CCDC88A: variants seen among roughly 807,000 people sequenced by gnomAD.
CCDC88A encodes coiled-coil and HOOK domain protein 88A.
In CCDC88A, 54 loss-of-function variants were observed where a neutral mutation model predicts 234.3. The observed-to-expected ratio is 0.23, with a 90% CI of 0.19 to 0.29. The LOEUF (loss-of-function observed/expected upper bound fraction) is 0.29, where lower values mean the gene tolerates loss of function less well. CCDC88A is among the 10% of genes least tolerant of loss of function. The pLI, the probability that CCDC88A is intolerant of heterozygous loss-of-function variation, is 1.00. For synonymous variants in CCDC88A, 753 were observed against 737.8 expected (o/e 1.02, Z -0.33); for missense variants, 1,832 against 2,123.4 (o/e 0.86, Z 2.70).
intron 19 of CCDC88A, among the ~76,000 whole-genome samples, chr2:55,318,059 T>C (rs1327696821): frequency 6.6e-6 from 1 of 152,138 alleles, no homozygotes; most frequent in Non-Finnish European, 1.5e-5. Context: ...TGTGTGTATA[T>C]ATAGACATAT....
intron 3 of CCDC88A, among the ~76,000 whole-genome samples, chr2:55,387,171 C>A (rs1574409338): frequency 5.5e-5 from 4 of 72,360 alleles, no homozygotes; most frequent in East Asian, 3.8e-4. Flanking sequence ...ATTGAGATTC[C>A]ATCTCAAAAA....
At position 55,418,928 on chromosome 2, in the gene CCDC88A, A is replaced by G; in HGVS notation, c.64-12T>C. The G allele has an allele frequency of 6.2e-7, 1 of 1,611,766 alleles. No homozygotes were observed. The highest frequency in any genetic ancestry group is 8.5e-7 in the Non-Finnish European group (1 of 1,177,846). On this transcript the variant is annotated splice_polypyrimidine_tract_variant and intron_variant, in intron 1 of 32. Coordinates refer to ENST00000436346, the MANE Select transcript of CCDC88A (RefSeq NM_001365480.1). ...CCAAACGTTTTAACCTAGAACAAAC[A>G]GAAGGATCACCACGACATGAACGCC...
Position 55,332,049 on chromosome 2 carries a change from A to G in CCDC88A, c.2855+517T>C, listed in dbSNP as rs1684972793. 6.6e-6 allele frequency: 1 copy of G among 151,962 alleles called. No homozygotes were observed. The allele number at this position is 151,962 out of a possible 1,614,324, so 9.4% of individuals were successfully genotyped here. A position where few individuals can be genotyped will look rare whatever the true frequency, so the allele number is the denominator to read the frequency against. On this transcript the variant is annotated intron_variant, in intron 16 of 32. Coordinates refer to ENST00000436346, the MANE Select transcript of CCDC88A (RefSeq NM_001365480.1). The surrounding 1 kb of genome is among the most constrained non-coding windows in gnomAD (Gnocchi z 4.5). Reference sequence around the variant, plus strand: ...TTTATAACTGTATTTATATAGTAACATTTTAGTTTTTTGTTTTCTTATATC... The same window carrying G: ...TTTATAACTGTATTTATATAGTAACGTTTTAGTTTTTTGTTTTCTTATATC...
intron 12 of CCDC88A, among the ~76,000 whole-genome samples, chr2:55,340,538 T>C (rs1009190934): frequency 2.0e-5 from 3 of 152,214 alleles, no homozygotes; most frequent in African/African-American, 7.2e-5. Flanking sequence ...TACTAACTTT[T>C]AAAATTCCAT....
intron 2 of CCDC88A, among the ~76,000 whole-genome samples, chr2:55,396,428 A>G (rs1677558794): frequency 6.6e-6 from 1 of 152,198 alleles, no homozygotes; most frequent in Non-Finnish European, 1.5e-5. Context: ...ATTTAGACCT[A>G]GAAACACTTT....
intron 31 of CCDC88A, chr2:55,295,134 T>A: frequency 1.5e-6 from 2 of 1,306,032 alleles, no homozygotes. Context: ...TTCTGTGTCA[T>A]CAGGATAGAG....
chr2:55,305,890 A>T (rs1038270376), intron 25 of CCDC88A, among the ~76,000 whole-genome samples: 2 of 151,964 alleles, frequency 1.3e-5, no homozygotes, highest in Non-Finnish European at 2.9e-5. Context: ...TAAAAAAAAA[A>T]TTAAGTATAC....
At chr2:55,396,848 C>CCGTT (rs1677673551) in intron 2 of CCDC88A, among the ~76,000 whole-genome samples, 2 of 112,374 alleles carry the variant, frequency 1.8e-5, no homozygotes, top group East Asian at 5.3e-4. Context: ...GCAGCCTGGG[C>CCGTT]AACGGAGCAA....
chr2:55,334,212 G>C lies in CCDC88A; in HGVS notation c.2609C>G (p.Ser870Cys), dbSNP rs758300445. 1.4e-6 allele frequency: 2 copies of C among 1,442,402 alleles called. No homozygotes were observed. The highest frequency in any genetic ancestry group is 2.6e-5 in the Admixed American group (1 of 37,800). 89.4% of individuals were successfully genotyped at this position (1,442,402 alleles called of 1,614,324 possible). The part of the protein sequence containing the change: ...GNLEKENKTL[S>C]KEIGIYKESC... ...TTCTTTATATATACCAATTTCTTTGGATAGGGTTTTGTTTTCTTTTTCCAA... is the reference window on the plus strand; with the variant it reads ...TTCTTTATATATACCAATTTCTTTGCATAGGGTTTTGTTTTCTTTTTCCAA... The change falls in exon 15 of 33, where the codon TCC becomes TGC. Residue 870 changes from serine (S) to cysteine (C), a missense_variant. By Grantham distance (112) the Ser-to-Cys change is moderately radical. Coordinates refer to ENST00000436346, the MANE Select transcript of CCDC88A (RefSeq NM_001365480.1). The surrounding 1 kb of genome is among the most constrained non-coding windows in gnomAD (Gnocchi z 6.1).
At chr2:55,351,770 G>C (rs908073317) in intron 8 of CCDC88A, among the ~76,000 whole-genome samples, 3 of 152,138 alleles carry the variant, frequency 2.0e-5, no homozygotes, top group African/African-American at 7.2e-5. Flanking sequence ...ACATGCACCT[G>C]AATGTTCATA....
chr2:55,414,342 G>T (rs1490728845), intron 2 of CCDC88A, among the ~76,000 whole-genome samples: 1 of 152,150 alleles, frequency 6.6e-6, no homozygotes, highest in East Asian at 1.9e-4. Flanking sequence ...ATCTCAAACA[G>T]GAAAATAATT....
chr2:55,290,717 C>A lies in CCDC88A; in HGVS notation c.*483G>T, dbSNP rs1679385258. 6.6e-6 allele frequency: 1 copy of A among 152,492 alleles called. No homozygotes were observed. Among genetic ancestry groups the A allele is most frequent in the Admixed American group, 6.6e-5 (1 of 15,260 alleles). 9.4% of individuals were successfully genotyped at this position (152,492 alleles called of 1,614,324 possible). On this transcript the variant is annotated 3_prime_UTR_variant, in exon 33 of 33. Coordinates refer to ENST00000436346, the MANE Select transcript of CCDC88A (RefSeq NM_001365480.1). Reference sequence around the variant, plus strand: ...TTTCTCTGTATCTTGCTATATAGTACATTCCACAAAATACTACAGCATTTA... The same window carrying A: ...TTTCTCTGTATCTTGCTATATAGTAAATTCCACAAAATACTACAGCATTTA...
intron 2 of CCDC88A, among the ~76,000 whole-genome samples, chr2:55,390,392 C>T (rs1433247774): frequency 6.6e-6 from 1 of 152,168 alleles, no homozygotes; most frequent in Non-Finnish European, 1.5e-5. Context: ...TGCTTTCCAC[C>T]ACTCCCAATA....
intron 3 of CCDC88A, among the ~76,000 whole-genome samples, chr2:55,377,186 A>T (rs1673787004): frequency 7.7e-6 from 1 of 129,686 alleles, no homozygotes; most frequent in Admixed American, 9.3e-5. Context: ...GAGGACTGTC[A>T]CTATAGACTT....
intron 2 of CCDC88A, among the ~76,000 whole-genome samples, chr2:55,409,020 T>C (rs1680044421): frequency 6.6e-6 from 1 of 151,330 alleles, no homozygotes. Context: ...ACAGGTATTT[T>C]CGTCAGTTTC....
intron 2 of CCDC88A, among the ~76,000 whole-genome samples, chr2:55,393,447 C>G (rs201940727): frequency 4.0e-5 from 6 of 151,530 alleles, no homozygotes; most frequent in East Asian, 3.9e-4. Flanking sequence ...CGTGCCACCA[C>G]GCCCGGCTAA....
chr2:55,311,386 A>T (rs6746757), intron 23 of CCDC88A, among the ~76,000 whole-genome samples: 13,018 of 152,178 alleles, frequency 0.086, 1,299 homozygotes, highest in African/African-American at 0.24. Context: ...CCTGCCTGAA[A>T]TTTTTTGGTA....
rs372681654 is a variant in CCDC88A, at chr2:55,384,592, C to T, written c.273+4186G>A. Among the ~76,000 whole-genome samples, 205 of 76,204 alleles carry T rather than the reference C, an allele frequency of 2.7e-3. 59 individuals are homozygous for T. The highest frequency in any genetic ancestry group is 0.019 in the Middle Eastern group (2 of 108). 50.0% of individuals were successfully genotyped at this position (76,204 alleles called of 152,430 possible). ...ATACGTATATATGTGTATATATACA[C>T]ATATATACGTATATATGTGTATATA... On this transcript the variant is annotated intron_variant, in intron 3 of 32. Transcript: ENST00000436346.
chr2:55,410,076 A>C (rs1056365541), intron 2 of CCDC88A, among the ~76,000 whole-genome samples: 1 of 152,100 alleles, frequency 6.6e-6, no homozygotes, highest in Admixed American at 6.5e-5. Flanking sequence ...CCAGGTGCCC[A>C]GAACTTTGCA....
Sources: allele counts gnomAD v4.1 joint callset (sites outside exome capture counted in the v4.1 genomes callset), GRCh38; gene constraint gnomAD v4.1.1; non-coding constraint Gnocchi (gnomAD v3.1); transcripts MANE v1.5; gene names NCBI Gene and HGNC (gene_info 2026-07-23, HGNC 2026-07-21).